The following AP3B2 variants were observed in gnomAD, a reference collection of about 807,000 sequenced individuals.
AP3B2 encodes adaptor related protein complex 3 subunit beta 2.
Under a neutral mutation model 126.9 loss-of-function variants are expected in AP3B2, and 50 were observed. The ratio of observed to expected loss-of-function variants is 0.39; its 90% CI spans 0.31 to 0.50. The LOEUF (loss-of-function observed/expected upper bound fraction) is 0.50. AP3B2 is among the 20% of genes least tolerant of loss of function. The pLI, the probability that AP3B2 is intolerant of heterozygous loss-of-function variation, is 0.79. For synonymous variants in AP3B2, 541 were observed against 565.0 expected (o/e 0.96, Z 0.60); for missense variants, 1,177 against 1,426.4 (o/e 0.83, Z 2.82).
chr15:82,694,440 C>T (rs1198526364), intron 1 of AP3B2, among the ~76,000 whole-genome samples: 7 of 151,986 alleles, frequency 4.6e-5, no homozygotes, highest in Middle Eastern at 3.4e-3. Context: ...AATCCCAGCA[C>T]TTTGGGAGAC....
chr15:82,662,553 A>G (rs1596165893), intron 23 of AP3B2, 141 bp downstream of exon 23: 3 of 816,816 alleles, frequency 3.7e-6, no homozygotes, highest in Admixed American at 5.2e-5. Flanking sequence ...CTTGTCCACC[A>G]GAGTGTTGAT....
At chr15:82,706,935 T>A (rs2048805965) in intron 1 of AP3B2, among the ~76,000 whole-genome samples, 2 of 152,198 alleles carry the variant, frequency 1.3e-5, no homozygotes, top group Non-Finnish European at 2.9e-5. Flanking sequence ...TGCCCAGGAC[T>A]GGCAAATTGA....
rs1296251245 is a variant in AP3B2 at position 82,664,586 on chromosome 15, C to T, written c.2138-96G>A. 8.7e-6 allele frequency: 13 copies of T among 1,486,834 alleles called. No individual in the cohort carries two copies. Among genetic ancestry groups the T allele is most frequent in the Admixed American group, 2.0e-5 (1 of 50,320 alleles). 92.1% of individuals were successfully genotyped at this position (1,486,834 alleles called of 1,614,324 possible). The stretch of plus-strand genomic sequence containing the variant: ...TTCCACCTTCACATTCAGTACTGAA[C>T]CCTCAAACCTCTCTGACCTGCCCCC... On this transcript the variant is annotated intron_variant, in intron 18 of 26. Coordinates refer to ENST00000535359, the MANE Select transcript of AP3B2 (RefSeq NM_001278512.2). The surrounding 1 kb of genome is among the most constrained non-coding windows in gnomAD (Gnocchi z 4.5).
chr15:82,688,636 G>A (rs753296435), intron 4 of AP3B2, 100 bp downstream of exon 4: 8 of 1,137,356 alleles, frequency 7.0e-6, no homozygotes, highest in Non-Finnish European at 1.0e-5. Flanking sequence ...GAAGGGGTCT[G>A]CAGAGCCCGC....
At chr15:82,678,080 C>T in intron 11 of AP3B2, 25 bp downstream of exon 11, 1 of 1,612,406 alleles carries the variant, frequency 6.2e-7, no homozygotes, top group Non-Finnish European at 8.5e-7. Context: ...CTCCCAGGCC[C>T]TTCTGGCTGG....
Position 82,681,790 on chromosome 15 carries a change from T to TG in AP3B2, c.361-211dup, listed in dbSNP as rs1347321502. Reference sequence around the variant, plus strand: ...AGAAATCTGACACCTGAACAGGTGTTGCAATGGGTAGCTTCACTTCCAGAA... The same window carrying TG: ...AGAAATCTGACACCTGAACAGGTGTTGGCAATGGGTAGCTTCACTTCCAGAA... On this transcript the variant is annotated intron_variant, in intron 4 of 26. Coordinates refer to ENST00000535359, the MANE Select transcript of AP3B2 (RefSeq NM_001278512.2). This position sits in a 1 kb window ranked among gnomAD's most constrained non-coding sequence, Gnocchi z 4.0. 6.6e-6 allele frequency among the ~76,000 whole-genome samples: 1 copy of TG among 152,188 alleles called. No homozygotes were observed. The highest frequency in any genetic ancestry group is 1.5e-5 in the Non-Finnish European group (1 of 68,042).
intron 14 of AP3B2, among the ~76,000 whole-genome samples, chr15:82,674,720 C>T (rs567358152): frequency 1.3e-5 from 2 of 152,348 alleles, no homozygotes; most frequent in East Asian, 3.9e-4. Flanking sequence ...GCACATGTAG[C>T]TCACAGTAAC....
intron 25 of AP3B2, among the ~76,000 whole-genome samples, chr15:82,660,617 G>A (rs114146666): frequency 0.012 from 1,772 of 152,180 alleles, 30 homozygotes; most frequent in African/African-American, 0.04. Context: ...GAGCTCCTCC[G>A]TCTGCTCTCC....
At chr15:82,661,773 C>T (rs2047953898) in intron 25 of AP3B2, 52 bp downstream of exon 25, 3 of 1,456,104 alleles carry the variant, frequency 2.1e-6, no homozygotes. Context: ...GCTGGACATT[C>T]TGGAGTCAGC....
intron 1 of AP3B2, among the ~76,000 whole-genome samples, chr15:82,693,367 C>G (rs1369091024): frequency 1.3e-5 from 2 of 151,814 alleles, no homozygotes; most frequent in Non-Finnish European, 2.9e-5. Context: ...CTGCCTCAGC[C>G]TCCCAAGTAG....
At position 82,684,700 on chromosome 15, in the gene AP3B2, A is replaced by G. The variant is rs550612998; in HGVS notation, c.361-3120T>C. Among the ~76,000 whole-genome samples, 242 of 152,268 alleles carry G rather than the reference A, an allele frequency of 1.6e-3. No homozygotes were observed. In the Middle Eastern group the frequency reaches 0.017, roughly 11 times the overall value. On this transcript the variant is annotated intron_variant, in intron 4 of 26. Transcript: ENST00000535359. Reference sequence around the variant, plus strand: ...AGGCTAACTTAAAAAAATTTTTTATAGAGACGGTCTTGAACCCCTGGTCTC... The same window carrying G: ...AGGCTAACTTAAAAAAATTTTTTATGGAGACGGTCTTGAACCCCTGGTCTC...
At position 82,667,017 on chromosome 15, in the gene AP3B2, T is replaced by C. The variant is rs976403538; in HGVS notation, c.1666-84A>G. ...GAAACAGATTCTTTAAGCCGACACT[T>C]TCAGGCAGAACGTCTCCTCTCCCTG... On this transcript the variant is annotated intron_variant, in intron 14 of 26. Coordinates refer to ENST00000535359, the MANE Select transcript of AP3B2 (RefSeq NM_001278512.2). The C allele has an allele frequency of 8.5e-6, 12 of 1,410,426 alleles. No homozygotes were observed. The African/African-American group carries it at 9.9e-5, about 12-fold the overall frequency. 87.4% of individuals were successfully genotyped at this position (1,410,426 alleles called of 1,614,324 possible).
chr15:82,694,106 T>G (rs1448425783), intron 1 of AP3B2, among the ~76,000 whole-genome samples: 1 of 151,920 alleles, frequency 6.6e-6, no homozygotes, highest in Non-Finnish European at 1.5e-5. Flanking sequence ...TGGGTTCAAG[T>G]GATTCTCATG....
chr15:82,677,496 A>G (rs1051847746), intron 12 of AP3B2, 113 bp from the exon 13 acceptor site: 3 of 1,361,546 alleles, frequency 2.2e-6, no homozygotes, highest in South Asian at 2.7e-5. Flanking sequence ...AACCCCCTTC[A>G]GTTCTCTAGC....
chr15:82,685,718 G>A (rs1450187407), intron 4 of AP3B2: 6 of 152,124 alleles, frequency 3.9e-5, no homozygotes, highest in African/African-American at 1.2e-4. Flanking sequence ...TAACTAGGCC[G>A]GTGGATATTA....
chr15:82,693,848 G>T (rs1264313121), intron 1 of AP3B2, among the ~76,000 whole-genome samples: 1 of 151,724 alleles, frequency 6.6e-6, no homozygotes, highest in Non-Finnish European at 1.5e-5. Flanking sequence ...TTACAGGCAT[G>T]CGCCACCATG....
At chr15:82,673,376 T>C (rs530873752) in intron 14 of AP3B2, among the ~76,000 whole-genome samples, 1 of 152,306 alleles carries the variant, frequency 6.6e-6, no homozygotes, top group Admixed American at 6.5e-5. Flanking sequence ...CACACCCAGC[T>C]AATTTTTTTG....
intron 2 of AP3B2, 30 bp downstream of exon 2, chr15:82,689,348 C>T (rs769055547): frequency 1.1e-5 from 18 of 1,612,616 alleles, no homozygotes; most frequent in Admixed American, 8.4e-5. Context: ...AGGCCCCGCC[C>T]GGAGGGAGGC....
At chr15:82,676,403 A>G (rs2048242915) in intron 14 of AP3B2, 58 bp downstream of exon 14, 8 of 1,558,060 alleles carry the variant, frequency 5.1e-6, no homozygotes, top group Non-Finnish European at 6.1e-6. Flanking sequence ...CCAAAAGAAT[A>G]CTGTCTAGGG....
Sources: gnomAD v4.1 joint callset for allele counts (sites outside exome capture counted in the v4.1 genomes callset) on GRCh38, gnomAD v4.1.1 for gene constraint, Gnocchi (gnomAD v3.1) non-coding constraint, MANE v1.5 for transcripts, NCBI Gene and HGNC (gene_info 2026-07-23, HGNC 2026-07-21) for gene names.